EYA2: variants seen among roughly 807,000 people sequenced by gnomAD.
EYA2 encodes protein phosphatase EYA2.
Under a neutral mutation model 69.2 loss-of-function variants are expected in EYA2, and 31 were observed. The observed-to-expected ratio is 0.45, with a 90% CI of 0.34 to 0.60. The LOEUF (loss-of-function observed/expected upper bound fraction) is 0.60. Ranked by LOEUF, EYA2 falls within the 20% of genes least tolerant of loss-of-function variation. The pLI is 0.02. For missense variants in EYA2, 622 were observed against 701.2 expected, an observed-to-expected ratio of 0.89 and a Z score of 1.28; for synonymous variants, 257 against 279.4, an observed-to-expected ratio of 0.92 and a Z score of 0.80.
At chr20:47,025,102 C>G (rs1008396160) in intron 5 of EYA2, among the ~76,000 whole-genome samples, 2 of 152,220 alleles carry the variant, frequency 1.3e-5, no homozygotes, top group African/African-American at 2.4e-5. Context: ...CCTCCATCAT[C>G]TCTTCATCAC....
At chr20:47,060,753 G>T (rs2030842056) in intron 5 of EYA2, among the ~76,000 whole-genome samples, 1 of 152,046 alleles carries the variant, frequency 6.6e-6, no homozygotes, top group African/African-American at 2.4e-5. Flanking sequence ...GGTGTTGCTT[G>T]CTACACCTGT....
intron 1 of EYA2, among the ~76,000 whole-genome samples, chr20:46,984,839 G>C (rs923806254): frequency 6.6e-6 from 1 of 152,222 alleles, no homozygotes; most frequent in South Asian, 2.1e-4. Flanking sequence ...TTGTTTATAA[G>C]GTGGCTGAGA....
rs186014327 is a variant in EYA2 at position 47,085,390 on chromosome 20, A to G, written c.662-3849A>G. 3.0e-3 allele frequency among the ~76,000 whole-genome samples: 462 copies of G among 152,102 alleles called. 3 individuals carry two copies. Among genetic ancestry groups the G allele is most frequent in the African/African-American group, 0.011 (437 of 41,522 alleles). On this transcript the variant is annotated intron_variant, in intron 7 of 15. Transcript: ENST00000327619. The stretch of plus-strand genomic sequence containing the variant: ...AGGCTGGGCATGGTGGCTCATGCCT[A>G]TAATCCCAGCACTTTGGGAGGCTGA...
At chr20:47,140,789 G>T (rs573015059) in intron 9 of EYA2, among the ~76,000 whole-genome samples, 3 of 152,160 alleles carry the variant, frequency 2.0e-5, no homozygotes, top group Admixed American at 1.3e-4. Context: ...AAGAAAAGGG[G>T]TTTATTTGAC....
In EYA2 at chr20:47,085,812, C is replaced by T. The variant is rs371914738; in HGVS notation, c.662-3427C>T. On this transcript the variant is annotated intron_variant, in intron 7 of 15. Coordinates refer to ENST00000327619, the MANE Select transcript of EYA2 (RefSeq NM_005244.5). ...AACCAAAGTCTATAGTGAAAGAAAG[C>T]AGTTTAGTGGTTTTCTGGGGAGGGT... is the stretch of plus-strand genomic sequence containing the variant. Among the ~76,000 whole-genome samples, 7 of 152,174 alleles carry T rather than the reference C, an allele frequency of 4.6e-5. No individual in the cohort carries two copies. In the East Asian group the frequency reaches 9.6e-4, roughly 21 times the overall value.
At chr20:46,929,775 G>A (rs1425103179) in intron 1 of EYA2, among the ~76,000 whole-genome samples, 1 of 151,950 alleles carries the variant, frequency 6.6e-6, no homozygotes, top group East Asian at 1.9e-4. Flanking sequence ...GAGAGACCGA[G>A]GTGAGAGGAT....
chr20:47,182,419 G>A (rs1245956749), intron 14 of EYA2, among the ~76,000 whole-genome samples: 1 of 150,694 alleles, frequency 6.6e-6, no homozygotes, highest in Admixed American at 6.6e-5. Context: ...CCTGAAGTCA[G>A]GCAGTTCAAG....
chr20:47,014,517 G>A (rs1453229915), intron 4 of EYA2, among the ~76,000 whole-genome samples: 2 of 152,118 alleles, frequency 1.3e-5, no homozygotes, highest in Non-Finnish European at 2.9e-5. Context: ...CTACAATCTA[G>A]GGAGCACCAT....
At chr20:47,055,346 A>G (rs1176708440) in intron 5 of EYA2, among the ~76,000 whole-genome samples, 1 of 152,184 alleles carries the variant, frequency 6.6e-6, no homozygotes, top group Non-Finnish European at 1.5e-5. Context: ...AAGAATAGGT[A>G]TTTGGTCTTG....
rs368309179 is a variant in EYA2 at position 47,001,038 on chromosome 20, G to A, written c.110-390G>A. Among the ~76,000 whole-genome samples, 173 of 152,228 alleles carry A rather than the reference G, an allele frequency of 1.1e-3. 1 individual carries two copies. Among genetic ancestry groups the A allele is most frequent in the African/African-American group, 3.9e-3 (164 of 41,536 alleles). On this transcript the variant is annotated intron_variant, in intron 2 of 15. Coordinates refer to ENST00000327619, the MANE Select transcript of EYA2 (RefSeq NM_005244.5). ...GGTTTTCCATCCAGGAGTGGAAATG[G>A]CACCAGCTTGATTCACTTCCTAGTT...
intron 1 of EYA2, among the ~76,000 whole-genome samples, chr20:46,947,248 A>G (rs188495380): frequency 9.1e-4 from 138 of 151,414 alleles, no homozygotes; most frequent in South Asian, 6.2e-4. Flanking sequence ...TCTCTTGTCT[A>G]GTCTTTCAAA....
At chr20:47,106,286 C>CA (rs555118349) in intron 9 of EYA2, among the ~76,000 whole-genome samples, 53 of 152,188 alleles carry the variant, frequency 3.5e-4, no homozygotes, top group Non-Finnish European at 6.6e-4. Flanking sequence ...GGACCTAGCA[C>CA]AGGGCCTGGC....
intron 1 of EYA2, among the ~76,000 whole-genome samples, chr20:46,954,766 C>T (rs1238096010): frequency 6.6e-6 from 1 of 152,212 alleles, no homozygotes; most frequent in Non-Finnish European, 1.5e-5. Context: ...GAGTTCATGT[C>T]AACCCTGAGC....
intron 10 of EYA2, among the ~76,000 whole-genome samples, chr20:47,156,760 T>G (rs2033959949): frequency 6.6e-6 from 1 of 151,706 alleles, no homozygotes; most frequent in Non-Finnish European, 1.5e-5. Flanking sequence ...TCCCAGGGAG[T>G]AGACTCCTCT....
At chr20:47,062,852 G>C (rs1270860153) in intron 5 of EYA2, among the ~76,000 whole-genome samples, 1 of 152,162 alleles carries the variant, frequency 6.6e-6, no homozygotes, top group Non-Finnish European at 1.5e-5. Flanking sequence ...CTCAACTCCG[G>C]AGTGGGGCTG....
chr20:47,165,680 T>C (rs2034167975), intron 10 of EYA2, among the ~76,000 whole-genome samples: 1 of 152,166 alleles, frequency 6.6e-6, no homozygotes, highest in African/African-American at 2.4e-5. Context: ...TGGGCCCATG[T>C]GTGTCAAGGA....
intron 1 of EYA2, among the ~76,000 whole-genome samples, chr20:46,945,997 C>T (rs1600569389): frequency 6.6e-6 from 1 of 152,238 alleles, no homozygotes; most frequent in South Asian, 2.1e-4. Context: ...ACTCGCAACC[C>T]AAGAGGGTCT....
chr20:47,095,221 T>G (rs555117008), intron 8 of EYA2, among the ~76,000 whole-genome samples: 185 of 152,174 alleles, frequency 1.2e-3, no homozygotes, highest in Non-Finnish European at 8.8e-4. Flanking sequence ...TTGGAAATCT[T>G]TTAATTACTG....
At chr20:47,158,138 TATC>T (rs1008665483) in intron 10 of EYA2, among the ~76,000 whole-genome samples, 14 of 152,002 alleles carry the variant, frequency 9.2e-5, no homozygotes, top group African/African-American at 3.4e-4. Context: ...CTATAATTGG[TATC>T]ATTTATTTGA....
Sources: allele counts gnomAD v4.1 joint callset (sites outside exome capture counted in the v4.1 genomes callset), GRCh38; gene constraint gnomAD v4.1.1; transcripts MANE v1.5; gene names NCBI Gene and HGNC (gene_info 2026-07-23, HGNC 2026-07-21).